TLN1: variants seen among roughly 807,000 people sequenced by gnomAD.
The protein encoded by TLN1 is talin-1.
A neutral mutation model predicts 292.3 loss-of-function variants in TLN1; 56 were observed. That is an observed-to-expected ratio of 0.19 (90% CI 0.15 to 0.24). The LOEUF is 0.24. Among genes scored for constraint, TLN1 ranks in the 10% least tolerant of loss-of-function variants. The pLI is 1.00. For missense variants in TLN1, 2,433 were observed against 3,248.2 expected (o/e 0.75, Z 6.10); for synonymous variants, 1,119 against 1,253.7 (o/e 0.89, Z 2.27).
intron 1 of TLN1, 125 bp from the exon 2 acceptor site, chr9:35,725,852 G>C: frequency 1.4e-6 from 1 of 724,822 alleles, no homozygotes; most frequent in Non-Finnish European, 2.2e-6. Context: ...TAATAAGGTT[G>C]TTTTCATTGT....
In TLN1 at chr9:35,720,163, A is replaced by G. The variant is rs1825856364; in HGVS notation, c.1340T>C (p.Val447Ala). 2.5e-6 allele frequency: 4 copies of G among 1,611,208 alleles called. No homozygotes were observed. In the Admixed American group the frequency reaches 6.7e-5, roughly 27 times the overall value. ...AGAGCGCATGATGGCAGGCAGGGCC[A>G]CAGAGCCATGCTCCACTTTCCCCAC... ...NRVGKVEHGS[V>A]ALPAIMRSGA... Residue 447 changes from valine to alanine, a missense_variant, in exon 13 of 57, where the codon GTG becomes GCG. By Grantham distance (64) the Val-to-Ala change is moderately conservative (BLOSUM62 0). This residue lies in a region of TLN1 where 617 missense variants were observed against 770.6 expected (regional missense o/e 0.80). Coordinates refer to ENST00000314888, the MANE Select transcript of TLN1 (RefSeq NM_006289.4).
chr9:35,708,022 C>T, intron 34 of TLN1, 130 bp from the exon 35 acceptor site: 2 of 1,117,656 alleles, frequency 1.8e-6, no homozygotes, highest in Non-Finnish European at 1.3e-6. Flanking sequence ...ACAGAGTCAC[C>T]TGAAAAGTCA....
At position 35,714,869 on chromosome 9, in the gene TLN1, G is replaced by C; in HGVS notation, c.2762C>G (p.Ala921Gly). 1 of 1,573,576 alleles carries C rather than the reference G, an allele frequency of 6.4e-7. No individual in the cohort carries two copies. Among genetic ancestry groups the C allele is most frequent in the Non-Finnish European group, 8.6e-7 (1 of 1,159,480 alleles). Residue 921 changes from alanine to glycine, a missense_variant, in exon 22 of 57, where the codon GCC (alanine) becomes GGC (glycine). Around this residue, in one of 7 missense-constraint regions of TLN1, gnomAD observed 617 missense variants for 770.6 expected, o/e 0.80. Transcript: ENST00000314888. This position sits in a 1 kb window ranked among gnomAD's most constrained non-coding sequence, Gnocchi z 4.6. Reference protein sequence around the residue: ...KKLVQRLEHAAKQAAASATQT... With the variant: ...KKLVQRLEHAGKQAAASATQT... Reference sequence around the variant, plus strand: ...TGTGGCTGAGGCTGCAGCCTGCTTGGCTGCATGCTGTGAAGACAAGAGTAG... The same window carrying C: ...TGTGGCTGAGGCTGCAGCCTGCTTGCCTGCATGCTGTGAAGACAAGAGTAG...
chr9:35,711,122 C>G (rs1364983322), intron 30 of TLN1, 40 bp from the exon 31 acceptor site: 1 of 1,612,134 alleles, frequency 6.2e-7, no homozygotes, highest in Non-Finnish European at 8.5e-7. Context: ...GTGAATAGGT[C>G]ATCATTCCTG....
Position 35,714,823 on chromosome 9 carries a change from C to G in TLN1, c.2808G>C (p.Gln936His), listed in dbSNP as rs777255391. 3 of 1,574,826 alleles carry G rather than the reference C, an allele frequency of 1.9e-6. No individual in the cohort carries two copies. The highest frequency in any genetic ancestry group is 4.5e-5 in the East Asian group (2 of 44,614). Reference sequence around the variant, plus strand: ...AGGCCTTGGGGGTAGAGGCTGCGTGCTGAGCTGCAGCGATGGTCTGTGTGG... The same window carrying G: ...AGGCCTTGGGGGTAGAGGCTGCGTGGTGAGCTGCAGCGATGGTCTGTGTGG... ...ASATQTIAAA[Q>H]HAASTPKASA... Residue 936 changes from glutamine (Q) to histidine (H), a missense_variant, in exon 22 of 57, where the codon CAG becomes CAC. Gln to His is a conservative substitution (Grantham distance 24). Around this residue, in one of 7 missense-constraint regions of TLN1, gnomAD observed 617 missense variants for 770.6 expected, o/e 0.80. Coordinates refer to ENST00000314888, the MANE Select transcript of TLN1 (RefSeq NM_006289.4). This position sits in a 1 kb window ranked among gnomAD's most constrained non-coding sequence, Gnocchi z 4.6.
intron 7 of TLN1, chr9:35,723,662 C>G: frequency 5.7e-6 from 2 of 351,788 alleles, no homozygotes; most frequent in Non-Finnish European, 1.0e-5. Flanking sequence ...AAATTTTACC[C>G]GGTTTCCCTC....
chr9:35,704,958 A>G lies in TLN1; in HGVS notation c.5734-143T>C, dbSNP rs1056091512. On this transcript the variant is annotated intron_variant, in intron 43 of 56. Coordinates refer to ENST00000314888, the MANE Select transcript of TLN1 (RefSeq NM_006289.4). The surrounding 1 kb of genome is among the most constrained non-coding windows in gnomAD (Gnocchi z 6.9). ...GAGAGAGAAGGTTCCCAGCACAAGG[A>G]CGTTTCCGGTTGCATATCCTTTAGG... The G allele has an allele frequency of 4.0e-5, 42 of 1,041,326 alleles. No homozygotes were observed. The highest frequency in any genetic ancestry group is 5.7e-5 in the Non-Finnish European group (42 of 731,546). 64.5% of individuals were successfully genotyped at this position (1,041,326 alleles called of 1,614,324 possible).
In TLN1 at chr9:35,720,352, C is replaced by T; in HGVS notation, c.1283+81G>A. ...TAGTTAAAGAACCATTCTAAGGACT[C>T]CCCACCTCCCAAGAGTCCTTAGAGT... On this transcript the variant is annotated intron_variant, in intron 12 of 56. Transcript: ENST00000314888. 5 of 1,563,180 alleles carry T rather than the reference C, an allele frequency of 3.2e-6. No individual in the cohort carries two copies. In the South Asian group the frequency reaches 3.4e-5, roughly 11 times the overall value.
intron 25 of TLN1, among the ~76,000 whole-genome samples, 172 bp from the exon 26 acceptor site, chr9:35,713,470 G>A (rs1251610584): frequency 1.3e-5 from 2 of 152,088 alleles, no homozygotes; most frequent in East Asian, 1.9e-4. Context: ...GATCACCTGA[G>A]GTCAGGAGTT....
In TLN1 at chr9:35,706,638, T is replaced by C. The variant is rs948969342; in HGVS notation, c.5089-87A>G. 4.4e-6 allele frequency: 7 copies of C among 1,587,886 alleles called. No individual in the cohort carries two copies. The highest frequency in any genetic ancestry group is 6.0e-6 in the Non-Finnish European group (7 of 1,162,172). ...GAACTGCTCTTCTGTCCATACCAAA[T>C]ACCCTAACCCTCCTTCGCACATCCC... is the stretch of plus-strand genomic sequence containing the variant. On this transcript the variant is annotated intron_variant, in intron 38 of 56. Transcript: ENST00000314888. This position sits in a 1 kb window ranked among gnomAD's most constrained non-coding sequence, Gnocchi z 4.2.
chr9:35,704,692 A>G lies in TLN1; in HGVS notation c.5857T>C (p.Cys1953Arg), dbSNP rs776261434. ...ACCTTCTCAGAGACTCTCCGGGCACACTCTATGAGCTCCTTCTTGGTGTAG... is the reference window on the plus strand; with the variant it reads ...ACCTTCTCAGAGACTCTCCGGGCACGCTCTATGAGCTCCTTCTTGGTGTAG... ...DAYTKKELIE[C>R]ARRVSEKVSH... The change falls in exon 44 of 57, where the codon TGT becomes CGT. Residue 1953 changes from cysteine to arginine, a missense_variant. Physicochemically the swap from Cys to Arg is radical, Grantham distance 180. Around this residue, in one of 7 missense-constraint regions of TLN1, gnomAD observed 1,384 missense variants for 1,699.6 expected, o/e 0.81. Transcript: ENST00000314888. This position sits in a 1 kb window ranked among gnomAD's most constrained non-coding sequence, Gnocchi z 6.9. 4 of 1,613,944 alleles carry G rather than the reference A, an allele frequency of 2.5e-6. No individual in the cohort carries two copies. The highest frequency in any genetic ancestry group is 3.4e-6 in the Non-Finnish European group (4 of 1,180,002).
rs986239850 is a variant in TLN1 at position 35,714,440 on chromosome 9, T to TCAG, written c.2986-68_2986-67insCTG. 8 of 1,575,942 alleles carry TCAG rather than the reference T, an allele frequency of 5.1e-6. No individual in the cohort carries two copies. The Admixed American group carries it at 1.4e-4, about 27-fold the overall frequency. ...CTCTGGGCTTGGGTACAAGGACTGA[T>TCAG]GATGGTCAGGATGTAGGGAACACTG... On this transcript the variant is annotated intron_variant, in intron 23 of 56. Transcript: ENST00000314888. The surrounding 1 kb of genome is among the most constrained non-coding windows in gnomAD (Gnocchi z 4.6).
Position 35,714,606 on chromosome 9 carries a change from C to A in TLN1, c.2953G>T (p.Ala985Ser). The change falls in exon 23 of 57, where the codon GCC (alanine) becomes TCC (serine). Residue 985 changes from alanine to serine, a missense_variant. Physicochemically the swap from Ala to Ser is moderately conservative, Grantham distance 99. Transcript: ENST00000314888. The surrounding 1 kb of genome is among the most constrained non-coding windows in gnomAD (Gnocchi z 4.6). ...AAGCTCTGGCTGGCAGCAATGAGGG[C>A]AAGCTGAGCGCTGGGGCTGTCAGGC... ...AQPDSPSAQL[A>S]LIAASQSFLQ... 6.2e-7 allele frequency: 1 copy of A among 1,612,590 alleles called. No homozygotes were observed. Among genetic ancestry groups the A allele is most frequent in the Non-Finnish European group, 8.5e-7 (1 of 1,180,012 alleles).
At position 35,698,008 on chromosome 9, in the gene TLN1, C is replaced by T. The variant is rs757563932; in HGVS notation, c.7500+36G>A. On this transcript the variant is annotated intron_variant, in intron 56 of 56. Coordinates refer to ENST00000314888, the MANE Select transcript of TLN1 (RefSeq NM_006289.4). This position sits in a 1 kb window ranked among gnomAD's most constrained non-coding sequence, Gnocchi z 5.3. ...CAGCGCAGGCAACATGACTGCCCTC[C>T]TGACAGCGTCCCTCAGCATCTGGGG... The T allele has an allele frequency of 1.2e-6, 2 of 1,614,086 alleles. No individual in the cohort carries two copies. Among genetic ancestry groups the T allele is most frequent in the South Asian group, 2.2e-5 (2 of 91,078 alleles).
At position 35,719,761 on chromosome 9, in the gene TLN1, C is replaced by T. The variant is rs1446182209; in HGVS notation, c.1557G>A (p.Leu519=). 1.9e-6 allele frequency: 3 copies of T among 1,608,828 alleles called. No individual in the cohort carries two copies. In the South Asian group the frequency reaches 3.3e-5, roughly 18 times the overall value. The change falls in exon 14 of 57, where the codon CTG becomes CTA. Residue 519 remains leucine, a synonymous_variant. Coordinates refer to ENST00000314888, the MANE Select transcript of TLN1 (RefSeq NM_006289.4). This position sits in a 1 kb window ranked among gnomAD's most constrained non-coding sequence, Gnocchi z 4.6. The part of the protein sequence containing the change: ...AQATLDDFDT[L]PPLGQDAASK... ...TTACAGCATCCTGGCCAAGAGGCGG[C>T]AGAGTGTCAAAGTCATCCAGGGTGG... is the stretch of plus-strand genomic sequence containing the variant.
At chr9:35,711,480 G>C (rs1051542716) in intron 29 of TLN1, 86 bp from the exon 30 acceptor site, 2 of 1,605,628 alleles carry the variant, frequency 1.2e-6, no homozygotes, top group African/African-American at 1.3e-5. Context: ...CACTCAAGTA[G>C]TGCTAGAGAC....
chr9:35,709,485 G>C (rs1052596634), intron 33 of TLN1, among the ~76,000 whole-genome samples: 1 of 152,122 alleles, frequency 6.6e-6, no homozygotes, highest in East Asian at 1.9e-4. Context: ...ATATACTAAA[G>C]CAAAATACTT....
In TLN1 at chr9:35,698,845, G is replaced by A. The variant is rs763897212; in HGVS notation, c.7088C>T (p.Ala2363Val). ...AAATSALVKA[A>V]SAAQRELVAQ... ...CACTAGTTCTCTCTGGGCAGCCGAC[G>A]CAGCCTTTACCAGTGCACTGGTGGC... The change falls in exon 53 of 57, where the codon GCG becomes GTG. Residue 2363 changes from alanine (A) to valine (V), a missense_variant. This residue lies in a region of TLN1 where 141 missense variants were observed against 248.5 expected (regional missense o/e 0.57). Coordinates refer to ENST00000314888, the MANE Select transcript of TLN1 (RefSeq NM_006289.4). This position sits in a 1 kb window ranked among gnomAD's most constrained non-coding sequence, Gnocchi z 5.3. 1.9e-6 allele frequency: 3 copies of A among 1,614,144 alleles called. No homozygotes were observed. The highest frequency in any genetic ancestry group is 2.5e-6 in the Non-Finnish European group (3 of 1,180,024).
In TLN1 at chr9:35,717,580, T is replaced by A. The variant is rs772565891; in HGVS notation, c.2163+39A>T. ...AAGGCTCACGTGTGTGTGGTAGTAT[T>A]ACCCCTCAGCACGGACTAGAGCAAC... On this transcript the variant is annotated intron_variant, in intron 18 of 56. Transcript: ENST00000314888. This position sits in a 1 kb window ranked among gnomAD's most constrained non-coding sequence, Gnocchi z 4.7. 1 of 1,592,484 alleles carries A rather than the reference T, an allele frequency of 6.3e-7. No homozygotes were observed. Among genetic ancestry groups the A allele is most frequent in the Non-Finnish European group, 8.6e-7 (1 of 1,163,862 alleles).
Sources: allele counts gnomAD v4.1 joint callset (sites outside exome capture counted in the v4.1 genomes callset), GRCh38; gene constraint gnomAD v4.1.1; regional missense constraint gnomAD v4.1.1; non-coding constraint Gnocchi (gnomAD v3.1); transcripts MANE v1.5; gene names NCBI Gene and HGNC (gene_info 2026-07-23, HGNC 2026-07-21).